Variants in TRAF3 observed in about 807,000 individuals in gnomAD.
TRAF3 encodes TNF receptor-associated factor 3.
TRAF3 carries 13 observed loss-of-function variants against 62.3 expected under a neutral mutation model. That is an observed-to-expected ratio of 0.21 (90% CI 0.14 to 0.33). The LOEUF (loss-of-function observed/expected upper bound fraction) is 0.33, where lower values mean the gene tolerates loss of function less well. Ranked by LOEUF, TRAF3 falls within the 10% of genes least tolerant of loss-of-function variation. The pLI, the probability that TRAF3 is intolerant of heterozygous loss-of-function variation, is 1.00. For missense variants in TRAF3, 440 were observed against 741.8 expected, an observed-to-expected ratio of 0.59 and a Z score of 4.73; for synonymous variants, 269 against 283.4, an observed-to-expected ratio of 0.95 and a Z score of 0.51.
At chr14:102,854,540 GCCC>G (rs1371336214) in intron 2 of TRAF3, among the ~76,000 whole-genome samples, 1 of 152,164 alleles carries the variant, frequency 6.6e-6, no homozygotes, top group Non-Finnish European at 1.5e-5. Flanking sequence ...CTTTTGTGTT[GCCC>G]AGGCTGCAGT....
intron 10 of TRAF3, among the ~76,000 whole-genome samples, chr14:102,902,162 A>G (rs1890336059): frequency 6.6e-6 from 1 of 152,266 alleles, no homozygotes; most frequent in South Asian, 2.1e-4. Flanking sequence ...ATGAAGTAGC[A>G]TAAAGTCAGG....
chr14:102,792,200 C>T (rs1897836592), intron 1 of TRAF3, among the ~76,000 whole-genome samples: 3 of 142,624 alleles, frequency 2.1e-5, no homozygotes, highest in Non-Finnish European at 1.5e-5. Context: ...TCATAGCTCA[C>T]TGCAGTCTTG....
Position 102,906,918 on chromosome 14 carries a change from T to C in TRAF3, c.*1134T>C, listed in dbSNP as rs970900487. The C allele has an allele frequency of 6.6e-6, 1 of 152,286 alleles. No individual in the cohort carries two copies. The highest frequency in any genetic ancestry group is 1.5e-5 in the Non-Finnish European group (1 of 68,070). The allele number at this position is 152,286 out of a possible 1,614,324, so 9.4% of individuals were successfully genotyped here. ...CGGCCCACGTGCCTTAGATGGGACA[T>C]GCTGCTTCTCCACCCTGGGTTTGCA... On this transcript the variant is annotated 3_prime_UTR_variant, in exon 12 of 12. Transcript: ENST00000392745.
chr14:102,819,931 G>T (rs145355664), intron 1 of TRAF3, among the ~76,000 whole-genome samples: 5 of 152,354 alleles, frequency 3.3e-5, no homozygotes, highest in Non-Finnish European at 5.9e-5. Context: ...TCAAATTGCA[G>T]AGAAGGGATT....
At chr14:102,809,200 A>G (rs1898965248) in intron 1 of TRAF3, 1 of 152,212 alleles carries the variant, frequency 6.6e-6, no homozygotes, top group African/African-American at 2.4e-5. Flanking sequence ...GTTAGCCAGG[A>G]TGGTCTTAAT....
At chr14:102,796,386 C>T (rs796313090) in intron 1 of TRAF3, among the ~76,000 whole-genome samples, 49 of 152,330 alleles carry the variant, frequency 3.2e-4, no homozygotes, top group African/African-American at 1.1e-3. Flanking sequence ...TACGATATAC[C>T]GGTAACTGTA....
chr14:102,876,524 AG>A lies in TRAF3; in HGVS notation c.570+1del. On this transcript the variant is annotated frameshift_variant and splice_region_variant, in exon 6 of 12. Transcript: ENST00000392745. LOFTEE classifies it high-confidence loss of function. Reference protein sequence around the residue: ...CKSQVPMIALQKHEDTDCPCV... With the variant: ...CKSQVPMIALXKHEDTDCPCV... ...AGTCAGGTTCCGATGATCGCGCTGC[AG>A]GTGCGGGTCCTCCCATTCCACAGGC... The A allele has an allele frequency of 6.2e-7, 1 of 1,613,194 alleles. No individual in the cohort carries two copies. The highest frequency in any genetic ancestry group is 8.5e-7 in the Non-Finnish European group (1 of 1,179,756).
At chr14:102,816,561 TC>T (rs758112972) in intron 1 of TRAF3, among the ~76,000 whole-genome samples, 1 of 152,244 alleles carries the variant, frequency 6.6e-6, no homozygotes, top group Non-Finnish European at 1.5e-5. Flanking sequence ...TTTACTGACT[TC>T]TTTTTACTCT....
At chr14:102,810,920 G>T (rs1449681373) in intron 1 of TRAF3, among the ~76,000 whole-genome samples, 2 of 152,176 alleles carry the variant, frequency 1.3e-5, no homozygotes, top group Non-Finnish European at 2.9e-5. Context: ...ATCTCTGAGG[G>T]CAGAACCTTT....
chr14:102,862,974 T>A (rs1250653589), intron 2 of TRAF3, among the ~76,000 whole-genome samples: 1 of 152,132 alleles, frequency 6.6e-6, no homozygotes, highest in East Asian at 1.9e-4. Context: ...ATTTTTTTCT[T>A]TATCAATATT....
rs117536767 is a variant in TRAF3 at position 102,782,721 on chromosome 14, A to T, written c.-157+5046A>T. Among the ~76,000 whole-genome samples the T allele has an allele frequency of 2.5e-3, 373 of 151,894 alleles. 9 individuals are homozygous for T. In the East Asian group the frequency reaches 0.065, roughly 26 times the overall value. On this transcript the variant is annotated intron_variant, in intron 1 of 11. Coordinates refer to ENST00000392745, the MANE Select transcript of TRAF3 (RefSeq NM_145725.3). ...AGCATTAAAAAAAAAAAAAAATTAA[A>T]TGGAGGCTATTTGGTGGTAACTTCT...
chr14:102,853,728 A>G (rs750286231), intron 2 of TRAF3, among the ~76,000 whole-genome samples: 8 of 151,738 alleles, frequency 5.3e-5, no homozygotes, highest in East Asian at 1.9e-4. Context: ...ACCTCAGGCA[A>G]TTGGGAGGCT....
At chr14:102,834,756 G>A (rs1317480641) in intron 2 of TRAF3, among the ~76,000 whole-genome samples, 1 of 150,074 alleles carries the variant, frequency 6.7e-6, no homozygotes, top group Non-Finnish European at 1.5e-5. Flanking sequence ...ACAAAAGATG[G>A]ATTAAAGACT....
At chr14:102,822,225 G>A (rs1000040253) in intron 1 of TRAF3, among the ~76,000 whole-genome samples, 14 of 152,030 alleles carry the variant, frequency 9.2e-5, no homozygotes, top group African/African-American at 3.4e-4. Flanking sequence ...GTTATTCACC[G>A]TGAAGCACAA....
At chr14:102,841,180 A>G (rs571704322) in intron 2 of TRAF3, among the ~76,000 whole-genome samples, 1 of 152,232 alleles carries the variant, frequency 6.6e-6, no homozygotes, top group Admixed American at 6.5e-5. Flanking sequence ...GTGATGATAC[A>G]GGAGAAATTG....
At chr14:102,804,491 CTTTTTTTA>C (rs565195416) in intron 1 of TRAF3, among the ~76,000 whole-genome samples, 43 of 152,168 alleles carry the variant, frequency 2.8e-4, no homozygotes, top group African/African-American at 1.0e-3. Context: ...GCAGCCTTTT[CTTTTTTTA>C]TTTTTTGAGT....
At chr14:102,894,986 G>T (rs1285504603) in intron 9 of TRAF3, 3 of 438,024 alleles carry the variant, frequency 6.8e-6, no homozygotes, top group African/African-American at 6.0e-5. Context: ...ACACGTATGA[G>T]CCATCACAGC....
intron 1 of TRAF3, among the ~76,000 whole-genome samples, chr14:102,805,969 A>G (rs1401060914): frequency 7.3e-6 from 1 of 137,860 alleles, no homozygotes; most frequent in Non-Finnish European, 1.5e-5. Flanking sequence ...ACATGGAAAG[A>G]CCACTGGGTC....
intron 2 of TRAF3, among the ~76,000 whole-genome samples, chr14:102,864,704 G>A (rs1437279794): frequency 6.6e-6 from 1 of 152,162 alleles, no homozygotes; most frequent in South Asian, 2.1e-4. Flanking sequence ...TGGGTTGAGG[G>A]CATGTTAGTA....
Sources: allele counts gnomAD v4.1 joint callset (sites outside exome capture counted in the v4.1 genomes callset), GRCh38; gene constraint gnomAD v4.1.1; transcripts MANE v1.5; gene names NCBI Gene and HGNC (gene_info 2026-07-23, HGNC 2026-07-21).